The following SLC40A1 variants were observed in gnomAD, a reference collection of about 807,000 sequenced individuals.
SLC40A1 encodes the protein ferroportin.
In SLC40A1, 16 loss-of-function variants were observed where a neutral mutation model predicts 53.5. That is an observed-to-expected ratio of 0.30 (90% CI 0.20 to 0.45). The LOEUF is 0.45. Ranked by LOEUF, SLC40A1 falls within the 20% of genes least tolerant of loss-of-function variation. The pLI is 1.00. For missense variants in SLC40A1, 545 were observed against 695.4 expected (o/e 0.78, Z 2.43); for synonymous variants, 247 against 253.2 (o/e 0.98, Z 0.23).
intron 2 of SLC40A1, among the ~76,000 whole-genome samples, chr2:189,579,031 T>C (rs529934591): frequency 1.3e-5 from 2 of 152,360 alleles, no homozygotes; most frequent in African/African-American, 4.8e-5. Context: ...TTATTGCTTT[T>C]AAACAATAAT....
Position 189,565,465 on chromosome 2 carries a change from A to G in SLC40A1, c.649T>C (p.Cys217Arg). Residue 217 changes from cysteine to arginine, a missense_variant, in exon 6 of 8, where the codon TGC becomes CGC. Coordinates refer to ENST00000261024, the MANE Select transcript of SLC40A1 (RefSeq NM_014585.6). ...FISGWNLVSMCVEYVLLWKVY... is the reference protein window; with the variant it reads ...FISGWNLVSMRVEYVLLWKVY... Reference sequence around the variant, plus strand: ...TTCCAGAGCAGAACGTACTCCACGCACATGGATACCAAGTTCCATCCCGAA... The same window carrying G: ...TTCCAGAGCAGAACGTACTCCACGCGCATGGATACCAAGTTCCATCCCGAA... 6.2e-7 allele frequency: 1 copy of G among 1,614,266 alleles called. No individual in the cohort carries two copies. The highest frequency in any genetic ancestry group is 8.5e-7 in the Non-Finnish European group (1 of 1,180,042).
chr2:189,578,071 A>T (rs983540198), intron 2 of SLC40A1: 17 of 468,756 alleles, frequency 3.6e-5, no homozygotes, highest in African/African-American at 4.3e-5. Flanking sequence ...TCAGTGCATA[A>T]GAAATCATGA....
At position 189,563,678 on chromosome 2, in the gene SLC40A1, A is replaced by C; in HGVS notation, c.1308T>G (p.Ser436=). 6.2e-7 allele frequency: 1 copy of C among 1,614,100 alleles called. No homozygotes were observed. The highest frequency in any genetic ancestry group is 8.5e-7 in the Non-Finnish European group (1 of 1,179,902). ...TCTCCGGGACAATATTAGCAGAATT[A>C]GACCCATTAGACATGTATATTTCAG... ...ITTEIYMSNG[S]NSANIVPETS... is the part of the protein sequence containing the mutation. The change falls in exon 7 of 8, where the codon TCT becomes TCG. Residue 436 remains serine (S), a synonymous_variant. Transcript: ENST00000261024.
intron 2 of SLC40A1, among the ~76,000 whole-genome samples, chr2:189,579,194 C>T (rs532323208): frequency 6.6e-6 from 1 of 152,178 alleles, no homozygotes; most frequent in African/African-American, 2.4e-5. Flanking sequence ...AACTGTAAAT[C>T]CATTGCTGAT....
rs1465739460 is a variant in SLC40A1 at position 189,579,896 on chromosome 2, C to T, written c.44-16G>A. On this transcript the variant is annotated splice_polypyrimidine_tract_variant and intron_variant, in intron 1 of 7. Transcript: ENST00000261024. ...GCCAAGGATCCTGCAAAGACACAGG[C>T]GGGGTGACAAAAAGCGATGGTAGTC... The T allele has an allele frequency of 3.1e-6, 5 of 1,613,578 alleles. No homozygotes were observed. In the South Asian group the frequency reaches 4.4e-5, roughly 14 times the overall value.
Position 189,563,770 on chromosome 2 carries a change from C to G in SLC40A1, c.1216G>C (p.Glu406Gln), listed in dbSNP as rs2030835365. The change falls in exon 7 of 8, where the codon GAA becomes CAA. Residue 406 changes from glutamate to glutamine, a missense_variant. Physicochemically the swap from Glu to Gln is conservative, Grantham distance 29. Around this residue, in one of 4 missense-constraint regions of SLC40A1, gnomAD observed 234 missense variants for 299.0 expected, o/e 0.78. Transcript: ENST00000261024. The stretch of plus-strand genomic sequence containing the variant: ...TGAATGAACCTTGATCGGATATCTT[C>G]AAAAGGAGAAACGGACAAGTCCAGG... ...SPLDLSVSPF[E>Q]DIRSRFIQGE... 2 of 1,614,000 alleles carry G rather than the reference C, an allele frequency of 1.2e-6. No individual in the cohort carries two copies. The highest frequency in any genetic ancestry group is 2.7e-5 in the African/African-American group (2 of 74,906).
Position 189,575,253 on chromosome 2 carries a change from A to C in SLC40A1, c.179T>G (p.Leu60Trp), listed in dbSNP as rs1356919926. The C allele has an allele frequency of 1.9e-6, 3 of 1,614,040 alleles. No individual in the cohort carries two copies. In the African/African-American group the frequency reaches 4.0e-5, roughly 22 times the overall value. ...LVELYGNSLLLTAVYGLVVAG... is the reference protein window; with the variant it reads ...LVELYGNSLLWTAVYGLVVAG... Reference sequence around the variant, plus strand: ...CACCACCAGCCCGTAGACTGCTGTCAAAAGGAGGCTGTTTCCATAGAGCTC... The same window carrying C: ...CACCACCAGCCCGTAGACTGCTGTCCAAAGGAGGCTGTTTCCATAGAGCTC... The change falls in exon 3 of 8, where the codon TTG becomes TGG. Residue 60 changes from leucine to tryptophan, a missense_variant. Physicochemically the swap from Leu to Trp is moderately conservative, Grantham distance 61. Coordinates refer to ENST00000261024, the MANE Select transcript of SLC40A1 (RefSeq NM_014585.6).
chr2:189,563,529 C>G, intron 7 of SLC40A1, 55 bp downstream of exon 7: 1 of 1,509,056 alleles, frequency 6.6e-7, no homozygotes, highest in Non-Finnish European at 9.1e-7. Context: ...ATTCTCTGAA[C>G]CTACATTACA....
At chr2:189,577,731 CAGCCTCTCAGT>C (rs1377240348) in intron 2 of SLC40A1, among the ~76,000 whole-genome samples, 4 of 151,374 alleles carry the variant, frequency 2.6e-5, no homozygotes, top group Non-Finnish European at 5.9e-5. Context: ...TCTTCCACCT[CAGCCTCTCAGT>C]AGCTGGGACT....
chr2:189,573,100 A>T, intron 3 of SLC40A1, 139 bp from the exon 4 acceptor site: 2 of 726,208 alleles, frequency 2.8e-6, no homozygotes, highest in South Asian at 3.0e-5. Flanking sequence ...ACCTTTCTGA[A>T]GTCAGTCCTG....
intron 2 of SLC40A1, among the ~76,000 whole-genome samples, chr2:189,579,244 C>T (rs1345076247): frequency 1.3e-5 from 2 of 152,096 alleles, no homozygotes; most frequent in Non-Finnish European, 2.9e-5. Flanking sequence ...CTCCACTGCC[C>T]CAAACTTTAT....
chr2:189,564,744 G>T (rs1351047023), intron 6 of SLC40A1, among the ~76,000 whole-genome samples: 1 of 152,154 alleles, frequency 6.6e-6, no homozygotes. Flanking sequence ...GGAGGCTGAG[G>T]CAGGAGAATG....
rs769687980 is a variant in SLC40A1 at position 189,563,832 on chromosome 2, A to G, written c.1154T>C (p.Ile385Thr). 1 of 1,614,096 alleles carries G rather than the reference A, an allele frequency of 6.2e-7. No homozygotes were observed. ...CATGAATACAGAGATCACACACAAG[A>G]TCAAACAGGAAAGCTGTGCCAATCC... is the stretch of plus-strand genomic sequence containing the variant. ...ISGLAQLSCL[I>T]LCVISVFMPG... Residue 385 changes from isoleucine to threonine, a missense_variant, in exon 7 of 8, where the codon ATC becomes ACC. Transcript: ENST00000261024.
rs781448969 is a variant in SLC40A1, at chr2:189,566,163, G to A, written c.515-564C>T. Among the ~76,000 whole-genome samples, 79 of 152,092 alleles carry A rather than the reference G, an allele frequency of 5.2e-4. 1 individual carries two copies. The highest frequency in any genetic ancestry group is 6.9e-4 in the Non-Finnish European group (47 of 68,016). ...CCCAGGGGAATGTTCTAAATAAGGC[G>A]AGGTCAGAGGACTCACTGAAAAAAA... On this transcript the variant is annotated intron_variant, in intron 5 of 7. Transcript: ENST00000261024.
In SLC40A1 at chr2:189,575,221, A is replaced by T; in HGVS notation, c.211T>A (p.Ser71Thr). The change falls in exon 3 of 8, where the codon TCT (serine) becomes ACT (threonine). Residue 71 changes from serine to threonine, a missense_variant. Transcript: ENST00000261024. Reference sequence around the variant, plus strand: ...ATGATGGCTCCCAGGACCAGAACAGACCCTGCCACCACCAGCCCGTAGACT... The same window carrying T: ...ATGATGGCTCCCAGGACCAGAACAGTCCCTGCCACCACCAGCCCGTAGACT... ...TAVYGLVVAGSVLVLGAIIGD... is the reference protein window; with the variant it reads ...TAVYGLVVAGTVLVLGAIIGD... The T allele has an allele frequency of 6.2e-7, 1 of 1,614,080 alleles. No homozygotes were observed. Among genetic ancestry groups the T allele is most frequent in the Non-Finnish European group, 8.5e-7 (1 of 1,179,970 alleles).
chr2:189,563,796 G>C lies in SLC40A1; in HGVS notation c.1190C>G (p.Pro397Arg). 3 of 1,614,116 alleles carry C rather than the reference G, an allele frequency of 1.9e-6. No homozygotes were observed. The highest frequency in any genetic ancestry group is 2.5e-6 in the Non-Finnish European group (3 of 1,180,024). ...CVISVFMPGS[P>R]LDLSVSPFED... ...AAAAGGAGAAACGGACAAGTCCAGGGGGCTTCCAGGCATGAATACAGAGAT... is the reference window on the plus strand; with the variant it reads ...AAAAGGAGAAACGGACAAGTCCAGGCGGCTTCCAGGCATGAATACAGAGAT... The change falls in exon 7 of 8, where the codon CCC (proline) becomes CGC (arginine). Residue 397 changes from proline to arginine, a missense_variant. By Grantham distance (103) the Pro-to-Arg change is moderately radical (BLOSUM62 -2). This residue lies in a region of SLC40A1 where 234 missense variants were observed against 299.0 expected (regional missense o/e 0.78). Coordinates refer to ENST00000261024, the MANE Select transcript of SLC40A1 (RefSeq NM_014585.6).
chr2:189,577,122 A>T (rs1267369237), intron 2 of SLC40A1, among the ~76,000 whole-genome samples: 2 of 152,106 alleles, frequency 1.3e-5, no homozygotes, highest in South Asian at 2.1e-4. Flanking sequence ...ATTCTCACTA[A>T]ACTTGGATGA....
chr2:189,574,990 G>A (rs573716347), intron 3 of SLC40A1, among the ~76,000 whole-genome samples, 171 bp downstream of exon 3: 1 of 152,320 alleles, frequency 6.6e-6, no homozygotes, highest in African/African-American at 2.4e-5. Context: ...TTGTGTGGGA[G>A]CCATGGGACC....
intron 5 of SLC40A1, among the ~76,000 whole-genome samples, chr2:189,567,428 C>T (rs2030972502): frequency 6.6e-6 from 1 of 152,124 alleles, no homozygotes; most frequent in South Asian, 2.1e-4. Context: ...GTATCTCCAT[C>T]TCATCTCATC....
Sources: allele counts gnomAD v4.1 joint callset (sites outside exome capture counted in the v4.1 genomes callset), GRCh38; gene constraint gnomAD v4.1.1; regional missense constraint gnomAD v4.1.1; transcripts MANE v1.5; gene names NCBI Gene and HGNC (gene_info 2026-07-23, HGNC 2026-07-21).